The following ZNF407 variants were observed in gnomAD, a reference collection of about 807,000 sequenced individuals.
The protein encoded by ZNF407 is zinc finger protein 407.
A neutral mutation model predicts 131.2 loss-of-function variants in ZNF407; 17 were observed. That is an observed-to-expected ratio of 0.13 (90% CI 0.09 to 0.19). ZNF407 has a LOEUF of 0.19. Among genes scored for constraint, ZNF407 ranks in the 10% least tolerant of loss-of-function variants. The probability of loss-of-function intolerance (pLI) is 1.00; values close to 1 mark genes in which losing one functional copy is unlikely to be tolerated. For synonymous variants in ZNF407, 1,156 were observed against 1,062.0 expected, an observed-to-expected ratio of 1.09 and a Z score of -1.72; for missense variants, 2,681 against 2,830.6, an observed-to-expected ratio of 0.95 and a Z score of 1.20.
At chr18:74,716,982 G>A (rs1466167588) in intron 3 of ZNF407, among the ~76,000 whole-genome samples, 1 of 152,126 alleles carries the variant, frequency 6.6e-6, no homozygotes, top group East Asian at 1.9e-4. Flanking sequence ...CATGTGTAAT[G>A]TGTTTATATA....
At chr18:74,776,020 A>G (rs149118739) in intron 3 of ZNF407, among the ~76,000 whole-genome samples, 40 of 152,304 alleles carry the variant, frequency 2.6e-4, no homozygotes, top group African/African-American at 7.9e-4. Flanking sequence ...TGCGGATTGC[A>G]ATTCAGCCTG....
At chr18:74,902,718 G>A (rs1971544245) in intron 7 of ZNF407, among the ~76,000 whole-genome samples, 1 of 152,154 alleles carries the variant, frequency 6.6e-6, no homozygotes, top group Admixed American at 6.5e-5. Context: ...AATAAAGTAT[G>A]CATTTTTCGA....
rs62089930 is a variant in ZNF407 at position 75,005,684 on chromosome 18, C to T, written c.5429-57466C>T. Among the ~76,000 whole-genome samples, 1,140 of 145,710 alleles carry T rather than the reference C, an allele frequency of 7.8e-3. 10 individuals carry two copies. Among genetic ancestry groups the T allele is most frequent in the Non-Finnish European group, 0.013 (844 of 66,484 alleles). ...GTCTCCTCACTCTGAAACCTTAAAA[C>T]ATGTCATCCCCGCCACCCCCCCCAC... is the stretch of plus-strand genomic sequence containing the variant. On this transcript the variant is annotated intron_variant, in intron 8 of 8. Transcript: ENST00000299687.
intron 3 of ZNF407, among the ~76,000 whole-genome samples, chr18:74,742,347 C>T (rs991163539): frequency 5.3e-5 from 8 of 152,112 alleles, no homozygotes; most frequent in Admixed American, 4.6e-4. Context: ...CTATGAAATA[C>T]TTGTTCTTCT....
At chr18:74,710,409 A>G (rs1482786028) in intron 3 of ZNF407, among the ~76,000 whole-genome samples, 1 of 152,196 alleles carries the variant, frequency 6.6e-6, no homozygotes, top group African/African-American at 2.4e-5. Context: ...ATAATTGCAC[A>G]TGTTCTTCCT....
chr18:74,694,304 C>G (rs1266669860), intron 3 of ZNF407, among the ~76,000 whole-genome samples: 2 of 152,164 alleles, frequency 1.3e-5, no homozygotes, highest in African/African-American at 2.4e-5. Context: ...TTTCGTGTCT[C>G]TTCCGAAGTA....
intron 6 of ZNF407, among the ~76,000 whole-genome samples, chr18:74,883,148 G>A (rs1410935017): frequency 6.6e-6 from 1 of 152,180 alleles, no homozygotes; most frequent in Non-Finnish European, 1.5e-5. Context: ...ATACCATATA[G>A]GACAGTGTCT....
chr18:74,989,182 C>T (rs914665278), intron 8 of ZNF407, among the ~76,000 whole-genome samples: 1 of 152,132 alleles, frequency 6.6e-6, no homozygotes, highest in Admixed American at 6.5e-5. Flanking sequence ...CAATGTTATC[C>T]TGAGAGAAAG....
At chr18:75,004,640 G>A (rs1972886732) in intron 8 of ZNF407, among the ~76,000 whole-genome samples, 1 of 152,226 alleles carries the variant, frequency 6.6e-6, no homozygotes, top group Admixed American at 6.5e-5. Flanking sequence ...AATTTCACCA[G>A]GGATGGGCTG....
At chr18:74,747,840 T>C (rs1190589873) in intron 3 of ZNF407, among the ~76,000 whole-genome samples, 1 of 152,176 alleles carries the variant, frequency 6.6e-6, no homozygotes, top group African/African-American at 2.4e-5. Context: ...ATAACACATA[T>C]ACTTTGAGGA....
At chr18:74,825,808 T>C (rs1970402362) in intron 4 of ZNF407, among the ~76,000 whole-genome samples, 1 of 152,210 alleles carries the variant, frequency 6.6e-6, no homozygotes, top group African/African-American at 2.4e-5. Context: ...TGTTATATTA[T>C]TGCATTTCCA....
chr18:75,046,233 T>C (rs779332997), intron 8 of ZNF407, among the ~76,000 whole-genome samples: 2 of 152,160 alleles, frequency 1.3e-5, no homozygotes, highest in African/African-American at 2.4e-5. Flanking sequence ...TACAGCAACA[T>C]GGGACCAATC....
intron 8 of ZNF407, among the ~76,000 whole-genome samples, chr18:75,053,365 T>C (rs1973524822): frequency 6.6e-6 from 1 of 152,182 alleles, no homozygotes; most frequent in African/African-American, 2.4e-5. Flanking sequence ...TGAACTTCCC[T>C]TGCTTCTCAG....
intron 3 of ZNF407, among the ~76,000 whole-genome samples, chr18:74,661,241 T>C (rs996888797): frequency 1.3e-4 from 20 of 152,204 alleles, no homozygotes; most frequent in African/African-American, 4.3e-4. Context: ...ATAGTCAGTC[T>C]CTTTGCACAG....
chr18:75,021,120 G>A (rs1307275539), intron 8 of ZNF407, among the ~76,000 whole-genome samples: 1 of 152,052 alleles, frequency 6.6e-6, no homozygotes, highest in Non-Finnish European at 1.5e-5. Context: ...AAGATTCAAA[G>A]CTAAATACAT....
chr18:74,840,172 G>A (rs2554111), intron 4 of ZNF407, among the ~76,000 whole-genome samples: 149,522 of 152,288 alleles, frequency 0.98, 73,469 homozygotes, highest in East Asian at 1. Flanking sequence ...GGTCTTTCCC[G>A]TACCTTACTA....
At chr18:74,707,567 G>A (rs550337705) in intron 3 of ZNF407, among the ~76,000 whole-genome samples, 106 of 152,240 alleles carry the variant, frequency 7.0e-4, no homozygotes, top group South Asian at 5.4e-3. Context: ...TTCGGATTTC[G>A]TAGCATTTTG....
intron 3 of ZNF407, among the ~76,000 whole-genome samples, chr18:74,675,940 TA>T (rs1006156788): frequency 2.6e-5 from 4 of 152,122 alleles, no homozygotes; most frequent in African/African-American, 9.7e-5. Context: ...ATTTTATATA[TA>T]AAAAAAGTTG....
Position 74,729,506 on chromosome 18 carries a change from T to TG in ZNF407, c.4803-51922_4803-51921insG, listed in dbSNP as rs1491214992. 4.6e-5 allele frequency among the ~76,000 whole-genome samples: 7 copies of TG among 151,096 alleles called. No homozygotes were observed. The East Asian group carries it at 5.8e-4, about 13-fold the overall frequency. The stretch of plus-strand genomic sequence containing the variant: ...CAAGTGTGGTTTGTGTGTGTGTGTG[T>TG]TTTTTTTTGTCTTGCATGTTCGTTG... On this transcript the variant is annotated intron_variant, in intron 3 of 8. Coordinates refer to ENST00000299687, the MANE Select transcript of ZNF407 (RefSeq NM_017757.3).
Sources: gnomAD v4.1 joint callset for allele counts (sites outside exome capture counted in the v4.1 genomes callset) on GRCh38, gnomAD v4.1.1 for gene constraint, MANE v1.5 for transcripts, NCBI Gene and HGNC (gene_info 2026-07-23, HGNC 2026-07-21) for gene names.